Variants in ERMAP observed in about 807,000 individuals in gnomAD.
ERMAP encodes erythroid membrane-associated protein.
A neutral mutation model predicts 49.5 loss-of-function variants in ERMAP; 34 were observed. That is an observed-to-expected ratio of 0.69 (90% CI 0.52 to 0.91). ERMAP has a LOEUF of 0.91. ERMAP is among the 40% of genes least tolerant of loss of function. ERMAP has a pLI of 0.00. For synonymous variants in ERMAP, 214 were observed against 232.2 expected, an observed-to-expected ratio of 0.92 and a Z score of 0.71; for missense variants, 541 against 582.6, an observed-to-expected ratio of 0.93 and a Z score of 0.74.
intron 4 of ERMAP, among the ~76,000 whole-genome samples, chr1:42,833,822 G>T (rs1489532635): frequency 6.6e-6 from 1 of 152,118 alleles, no homozygotes; most frequent in Non-Finnish European, 1.5e-5. Context: ...CTCCCAAAGT[G>T]CTAGGATTAC....
At chr1:42,841,730 T>A (rs1004936297) in intron 11 of ERMAP, among the ~76,000 whole-genome samples, 5 of 152,202 alleles carry the variant, frequency 3.3e-5, no homozygotes, top group Non-Finnish European at 4.4e-5. Flanking sequence ...CAAGGTCACA[T>A]AACTAGCATG....
At chr1:42,829,344 C>T (rs769394279) in intron 2 of ERMAP, among the ~76,000 whole-genome samples, 1 of 152,198 alleles carries the variant, frequency 6.6e-6, no homozygotes, top group Non-Finnish European at 1.5e-5. Flanking sequence ...ACACCCCCTC[C>T]GTGTGTCATG....
chr1:42,824,130 GT>G (rs1654472490), intron 1 of ERMAP, among the ~76,000 whole-genome samples: 3 of 152,016 alleles, frequency 2.0e-5, no homozygotes, highest in Non-Finnish European at 4.4e-5. Context: ...GGATCACAAG[GT>G]CAGGAGATCA....
At chr1:42,818,867 T>A (rs981494458) in intron 1 of ERMAP, among the ~76,000 whole-genome samples, 4 of 152,188 alleles carry the variant, frequency 2.6e-5, no homozygotes, top group African/African-American at 9.7e-5. Flanking sequence ...CTGATTCGAT[T>A]ATTATTAATA....
At chr1:42,822,188 A>T (rs1015118723) in intron 1 of ERMAP, among the ~76,000 whole-genome samples, 16 of 147,220 alleles carry the variant, frequency 1.1e-4, no homozygotes, top group East Asian at 7.8e-4. Flanking sequence ...TAAAAAATTA[A>T]TTTTTTTTTT....
chr1:42,825,755 C>G lies in ERMAP; in HGVS notation c.-6+17C>G, dbSNP rs1294429776. ...CAGAAGGTGGTGAGTCCTCCTCTCT[C>G]TCTTCATGCTTTTTAGTCCTTTAAC... On this transcript the variant is annotated intron_variant, in intron 2 of 11. Coordinates refer to ENST00000372517, the MANE Select transcript of ERMAP (RefSeq NM_001017922.2). The G allele has an allele frequency of 3.1e-6, 4 of 1,289,212 alleles. No individual in the cohort carries two copies. Among genetic ancestry groups the G allele is most frequent in the Non-Finnish European group, 4.0e-6 (4 of 988,862 alleles). The allele number at this position is 1,289,212 out of a possible 1,614,324, so 79.9% of individuals were successfully genotyped here. A position where few individuals can be genotyped will look rare whatever the true frequency, so the allele number is the denominator to read the frequency against.
intron 1 of ERMAP, among the ~76,000 whole-genome samples, chr1:42,818,594 A>G (rs375113887): frequency 2.4e-4 from 37 of 152,226 alleles, no homozygotes; most frequent in African/African-American, 8.9e-4. Flanking sequence ...CAGCCTCCAA[A>G]GTATCTGGGA....
intron 1 of ERMAP, among the ~76,000 whole-genome samples, chr1:42,824,216 C>G (rs995942549): frequency 1.3e-5 from 2 of 151,484 alleles, no homozygotes; most frequent in African/African-American, 2.4e-5. Flanking sequence ...GGCGTGGTGG[C>G]GGGCGTCTGT....
chr1:42,828,790 G>A (rs1251729413), intron 2 of ERMAP, among the ~76,000 whole-genome samples: 1 of 152,108 alleles, frequency 6.6e-6, no homozygotes, highest in Non-Finnish European at 1.5e-5. Context: ...GAGCTACCAT[G>A]CCCAGCCTAG....
intron 7 of ERMAP, 138 bp from the exon 8 acceptor site, chr1:42,838,763 G>A: frequency 7.3e-7 from 1 of 1,365,044 alleles, no homozygotes; most frequent in African/African-American, 1.4e-5. Flanking sequence ...TGAACTCTGG[G>A]ACACGGAGCT....
At chr1:42,837,909 C>T (rs7522285) in intron 7 of ERMAP, 149,244 of 152,586 alleles carry the variant, frequency 0.98, 73,067 homozygotes, top group East Asian at 1. Flanking sequence ...CTGGTGCAAG[C>T]GTGGCGTGTA....
chr1:42,820,613 C>T (rs1005357749), intron 1 of ERMAP, among the ~76,000 whole-genome samples: 3 of 152,080 alleles, frequency 2.0e-5, no homozygotes, highest in African/African-American at 7.2e-5. Context: ...GCTGTATCCC[C>T]TGGTTCTTCT....
chr1:42,843,483 G>A lies in ERMAP; in HGVS notation c.*251G>A, dbSNP rs1655127885. ...CCAAACAATCAGTTTAGGTGCAGGTGGAGATGTTGAATATGTGTTACCAAG... is the reference window on the plus strand; with the variant it reads ...CCAAACAATCAGTTTAGGTGCAGGTAGAGATGTTGAATATGTGTTACCAAG... On this transcript the variant is annotated 3_prime_UTR_variant, in exon 12 of 12. Coordinates refer to ENST00000372517, the MANE Select transcript of ERMAP (RefSeq NM_001017922.2). 3 of 394,340 alleles carry A rather than the reference G, an allele frequency of 7.6e-6. No individual in the cohort carries two copies. The South Asian group carries it at 1.9e-4, about 25-fold the overall frequency. The allele number at this position is 394,340 out of a possible 1,614,324, so 24.4% of individuals were successfully genotyped here.
chr1:42,840,961 CA>C (rs1655042150), intron 11 of ERMAP, among the ~76,000 whole-genome samples: 1 of 152,224 alleles, frequency 6.6e-6, no homozygotes, highest in African/African-American at 2.4e-5. Context: ...GATGCCCCAA[CA>C]ATATACATTA....
chr1:42,830,970 G>T lies in ERMAP; in HGVS notation c.288G>T (p.Gly96=). Residue 96 remains glycine, a synonymous_variant, in exon 4 of 12, where the codon GGG becomes GGT. Transcript: ENST00000372517. ...QDEDLMPEYK[G]RTVLVRDAQE... ...AAGATCTGATGCCGGAATATAAGGG[G>T]AGGACGGTGCTAGTGAGAGATGCCC... 1.2e-6 allele frequency: 2 copies of T among 1,614,252 alleles called. No homozygotes were observed. Among genetic ancestry groups the T allele is most frequent in the Non-Finnish European group, 1.7e-6 (2 of 1,180,044 alleles).
chr1:42,836,574 G>A (rs1654904861), intron 6 of ERMAP, among the ~76,000 whole-genome samples: 1 of 152,102 alleles, frequency 6.6e-6, no homozygotes, highest in Non-Finnish European at 1.5e-5. Flanking sequence ...TGAAAAACTT[G>A]GCCGGGCATG....
intron 1 of ERMAP, among the ~76,000 whole-genome samples, chr1:42,822,617 T>TG (rs1283993583): frequency 1.5e-4 from 23 of 152,238 alleles, no homozygotes; most frequent in Admixed American, 1.3e-3. Context: ...TTCTGTGTTT[T>TG]GGGGACATTC....
intron 8 of ERMAP, 92 bp downstream of exon 8, chr1:42,839,013 G>A: frequency 7.5e-6 from 12 of 1,604,388 alleles, no homozygotes; most frequent in Non-Finnish European, 1.0e-5. Flanking sequence ...TGGGGCAGAA[G>A]GGAGGGGGTA....
chr1:42,832,194 T>G (rs1028067055), intron 4 of ERMAP, among the ~76,000 whole-genome samples: 3 of 137,216 alleles, frequency 2.2e-5, no homozygotes, highest in African/African-American at 8.5e-5. Flanking sequence ...TTTTTTTTTT[T>G]TTTTTTTTTT....
Sources: allele counts gnomAD v4.1 joint callset (sites outside exome capture counted in the v4.1 genomes callset), GRCh38; gene constraint gnomAD v4.1.1; transcripts MANE v1.5; gene names NCBI Gene and HGNC (gene_info 2026-07-23, HGNC 2026-07-21).